The following PRR5 variants were observed in gnomAD, a reference collection of about 807,000 sequenced individuals.
PRR5 encodes the protein proline-rich protein 5.
A neutral mutation model predicts 30.6 loss-of-function variants in PRR5; 25 were observed. The ratio of observed to expected loss-of-function variants is 0.82; its 90% confidence interval spans 0.60 to 1.14. The LOEUF (loss-of-function observed/expected upper bound fraction) is 1.14, where lower values mean the gene tolerates loss of function less well. PRR5 is among the 50% of genes most tolerant of loss of function. The probability of loss-of-function intolerance (pLI) is 0.00; values close to 1 mark genes in which losing one functional copy is unlikely to be tolerated. For missense variants in PRR5, 600 were observed against 547.1 expected, an observed-to-expected ratio of 1.10 and a Z score of -0.96; for synonymous variants, 286 against 247.1, an observed-to-expected ratio of 1.16 and a Z score of -1.48.
In PRR5 at chr22:44,726,563, G is replaced by T. The variant is rs1920954942; in HGVS notation, c.265-14G>T. ...CCACAAGGGCGGTGACAGCCCCTCT[G>T]TGTTTACCTTCAGAACCAGCTGCTG... On this transcript the variant is annotated splice_polypyrimidine_tract_variant and intron_variant, in intron 3 of 7. Coordinates refer to ENST00000336985, the MANE Select transcript of PRR5 (RefSeq NM_181333.4). 1 of 1,613,934 alleles carries T rather than the reference G, an allele frequency of 6.2e-7. No individual in the cohort carries two copies. The highest frequency in any genetic ancestry group is 1.3e-5 in the African/African-American group (1 of 74,946).
chr22:44,672,991 G>A (rs1404400142), upstream of PRR5, among the ~76,000 whole-genome samples: 1 of 152,236 alleles, frequency 6.6e-6, no homozygotes, highest in Non-Finnish European at 1.5e-5. Context: ...AACCACCATG[G>A]CGGGCTCCTC....
rs551117544 is a variant in PRR5 at position 44,732,543 on chromosome 22, G to A, written c.555+152G>A. The A allele has an allele frequency of 3.2e-6, 4 of 1,252,214 alleles. No individual in the cohort carries two copies. The African/African-American group carries it at 4.5e-5, about 14-fold the overall frequency. The allele number at this position is 1,252,214 out of a possible 1,614,324, so 77.6% of individuals were successfully genotyped here. ...AGAAGCCTGTCAGGGCCAGGGACCG[G>A]GGAGCAGCTGGTCAGAGCTGTGGGT... On this transcript the variant is annotated intron_variant, in intron 6 of 7. Transcript: ENST00000336985.
chr22:44,729,796 C>T, intron 4 of PRR5: 6 of 985,498 alleles, frequency 6.1e-6, no homozygotes, highest in Non-Finnish European at 7.2e-6. Context: ...CGCAGCATTT[C>T]CGCCCCGTGG....
chr22:44,683,918 C>G (rs1024330231), intron 1 of PRR5, among the ~76,000 whole-genome samples: 3 of 152,248 alleles, frequency 2.0e-5, no homozygotes, highest in African/African-American at 7.2e-5. Context: ...GAAGAGGGGC[C>G]AGCCCAATCC....
At chr22:44,684,567 G>A (rs2146952560) in intron 1 of PRR5, among the ~76,000 whole-genome samples, 1 of 152,294 alleles carries the variant, frequency 6.6e-6, no homozygotes, top group East Asian at 1.9e-4. Flanking sequence ...GGGATGATGG[G>A]GAAGGGGCAA....
At chr22:44,685,392 G>C (rs1236354853) in intron 1 of PRR5, among the ~76,000 whole-genome samples, 1 of 152,238 alleles carries the variant, frequency 6.6e-6, no homozygotes, top group Admixed American at 6.5e-5. Context: ...TTTCTCCTCT[G>C]TCTGGAATAG....
intron 1 of PRR5, among the ~76,000 whole-genome samples, chr22:44,670,318 G>A (rs1456158046): frequency 1.3e-5 from 2 of 152,186 alleles, no homozygotes; most frequent in Non-Finnish European, 2.9e-5. Flanking sequence ...CTGGGATTCT[G>A]AGCCCTTTGT....
chr22:44,734,966 G>T, intron 6 of PRR5, 61 bp from the exon 7 acceptor site: 2 of 1,531,344 alleles, frequency 1.3e-6, no homozygotes, highest in African/African-American at 2.7e-5. Flanking sequence ...ATATGGTTGA[G>T]AGCCTGGAGC....
intron 1 of PRR5, among the ~76,000 whole-genome samples, chr22:44,693,945 A>G (rs1925522119): frequency 6.6e-6 from 1 of 151,866 alleles, no homozygotes; most frequent in Admixed American, 6.6e-5. Flanking sequence ...GCCTTCTTAT[A>G]AGGACATCAG....
At chr22:44,732,189 G>A in intron 5 of PRR5, 62 bp from the exon 6 acceptor site, 1 of 1,589,204 alleles carries the variant, frequency 6.3e-7, no homozygotes, top group Non-Finnish European at 8.6e-7. Flanking sequence ...CCAGGACCGG[G>A]AGAGGGGAGA....
At chr22:44,727,368 C>T (rs1023126229) in intron 4 of PRR5, among the ~76,000 whole-genome samples, 5 of 152,190 alleles carry the variant, frequency 3.3e-5, no homozygotes, top group Non-Finnish European at 7.3e-5. Context: ...TCAGTTCCCA[C>T]GGATGCTGCT....
At chr22:44,710,095 G>A (rs1218928965) in intron 1 of PRR5, among the ~76,000 whole-genome samples, 1 of 152,054 alleles carries the variant, frequency 6.6e-6, no homozygotes, top group Admixed American at 6.5e-5. Flanking sequence ...GGGTAGGCAA[G>A]CAGCCAAAGG....
upstream of PRR5, among the ~76,000 whole-genome samples, chr22:44,674,140 C>T (rs185080863): frequency 6.6e-6 from 1 of 151,722 alleles, no homozygotes; most frequent in East Asian, 1.9e-4. Context: ...CTGTATCCTG[C>T]TTTTTTCTTG....
chr22:44,695,540 C>T (rs996767988), intron 1 of PRR5, among the ~76,000 whole-genome samples: 1 of 151,998 alleles, frequency 6.6e-6, no homozygotes, highest in Non-Finnish European at 1.5e-5. Context: ...ATATAAGAAG[C>T]CTCTCTTCAT....
At chr22:44,718,697 C>T (rs866749851) in intron 2 of PRR5, among the ~76,000 whole-genome samples, 20 of 152,122 alleles carry the variant, frequency 1.3e-4, no homozygotes, top group South Asian at 2.1e-4. Flanking sequence ...GCTTTCATTC[C>T]GAGAAGTGGC....
At chr22:44,719,632 A>G (rs1222476064) in intron 2 of PRR5, among the ~76,000 whole-genome samples, 2 of 152,158 alleles carry the variant, frequency 1.3e-5, no homozygotes, top group Non-Finnish European at 2.9e-5. Flanking sequence ...GAATACAGCC[A>G]GGGTGTCTGT....
intron 1 of PRR5, among the ~76,000 whole-genome samples, chr22:44,690,485 G>A (rs1413513755): frequency 6.6e-6 from 1 of 152,018 alleles, no homozygotes; most frequent in Non-Finnish European, 1.5e-5. Flanking sequence ...AGGCAGCCCC[G>A]CTCACTGTCA....
At chr22:44,721,770 GT>G (rs2147114049) in intron 2 of PRR5, among the ~76,000 whole-genome samples, 1 of 152,296 alleles carries the variant, frequency 6.6e-6, no homozygotes, top group Non-Finnish European at 1.5e-5. Context: ...CAGGGGAGGG[GT>G]CTCGTCCAGA....
At chr22:44,670,439 C>G (rs1433460212) in intron 1 of PRR5, among the ~76,000 whole-genome samples, 1 of 152,170 alleles carries the variant, frequency 6.6e-6, no homozygotes, top group Non-Finnish European at 1.5e-5. Context: ...CTTCTCTGGT[C>G]CTTGGGTTAC....
Sources: gnomAD v4.1 joint callset for allele counts (sites outside exome capture counted in the v4.1 genomes callset) on GRCh38, gnomAD v4.1.1 for gene constraint, MANE v1.5 for transcripts, NCBI Gene and HGNC (gene_info 2026-07-23, HGNC 2026-07-21) for gene names.